Variants in KIF21B observed in about 807,000 individuals in gnomAD.
KIF21B encodes the protein kinesin-like protein KIF21B.
A neutral mutation model predicts 192.9 loss-of-function variants in KIF21B; 85 were observed. That is an observed-to-expected ratio of 0.44 (90% CI 0.37 to 0.53). The LOEUF (loss-of-function observed/expected upper bound fraction) is 0.53, where lower values mean the gene tolerates loss of function less well. KIF21B is among the 20% of genes least tolerant of loss of function. KIF21B has a pLI of 0.00. For synonymous variants in KIF21B, 832 were observed against 884.6 expected, an observed-to-expected ratio of 0.94 and a Z score of 1.05; for missense variants, 1,716 against 2,194.8, an observed-to-expected ratio of 0.78 and a Z score of 4.36.
chr1:201,022,390 C>T (rs1658891656), intron 1 of KIF21B, among the ~76,000 whole-genome samples: 1 of 152,166 alleles, frequency 6.6e-6, no homozygotes. Context: ...GTGAGCAGCT[C>T]CAGATTGGCA....
intron 1 of KIF21B, among the ~76,000 whole-genome samples, chr1:201,022,693 C>T (rs961059295): frequency 2.0e-5 from 3 of 152,232 alleles, no homozygotes; most frequent in African/African-American, 7.2e-5. Context: ...GATGGGGCAT[C>T]TGCATCACAC....
At chr1:201,003,900 C>G (rs1012953548) in intron 7 of KIF21B, 119 bp from the exon 8 acceptor site, 1 of 1,020,932 alleles carries the variant, frequency 9.8e-7, no homozygotes, top group African/African-American at 1.6e-5. Context: ...GCCCAAAGCA[C>G]GTGGGCATTC....
Position 200,999,218 on chromosome 1 carries a change from T to A in KIF21B, c.1885+131A>T, listed in dbSNP as rs1394878853. The A allele has an allele frequency of 1.0e-5, 11 of 1,060,088 alleles. No individual in the cohort carries two copies. The highest frequency in any genetic ancestry group is 1.6e-5 in the Non-Finnish European group (11 of 690,504). The allele number at this position is 1,060,088 out of a possible 1,614,324, so 65.7% of individuals were successfully genotyped here. ...CCATCATTCTCATCATGACTGCCTG[T>A]TGTCATTGGTTTCACGTCTGGGAGT... is the stretch of plus-strand genomic sequence containing the variant. On this transcript the variant is annotated intron_variant, in intron 13 of 34. Transcript: ENST00000461742. The surrounding 1 kb of genome is among the most constrained non-coding windows in gnomAD (Gnocchi z 4.7).
intron 1 of KIF21B, among the ~76,000 whole-genome samples, chr1:201,010,098 AT>A (rs1479584997): frequency 1.3e-5 from 2 of 152,222 alleles, no homozygotes; most frequent in Non-Finnish European, 2.9e-5. Flanking sequence ...GCCTCTGCCA[AT>A]GCCCATGGGG....
At chr1:201,014,228 G>A (rs1462265093) in intron 1 of KIF21B, among the ~76,000 whole-genome samples, 1 of 152,246 alleles carries the variant, frequency 6.6e-6, no homozygotes, top group Non-Finnish European at 1.5e-5. Flanking sequence ...GGAGAAACGC[G>A]CACGCGGAGG....
chr1:200,996,102 C>T, intron 15 of KIF21B, 94 bp downstream of exon 15: 2 of 1,274,694 alleles, frequency 1.6e-6, no homozygotes, highest in South Asian at 1.3e-5. Context: ...AGAATCCACA[C>T]TTGACAGCAA....
At chr1:201,001,750 A>T (rs1374339184) in intron 9 of KIF21B, 2 of 182,196 alleles carry the variant, frequency 1.1e-5, no homozygotes, top group East Asian at 2.6e-4. Context: ...ATATAATCTC[A>T]TACATAGAAA....
rs1252881047 is a variant in KIF21B, at chr1:200,982,602, A to G, written c.3842+454T>C. On this transcript the variant is annotated intron_variant, in intron 28 of 34. Coordinates refer to ENST00000461742, the MANE Select transcript of KIF21B (RefSeq NM_001252102.2). This position sits in a 1 kb window ranked among gnomAD's most constrained non-coding sequence, Gnocchi z 4.7. Reference sequence around the variant, plus strand: ...CCCCCATGGTGCCCCTCCCAGAGCCAACGTCTGAAAAGCTCACCCCCAGCA... The same window carrying G: ...CCCCCATGGTGCCCCTCCCAGAGCCGACGTCTGAAAAGCTCACCCCCAGCA... 6.6e-6 allele frequency among the ~76,000 whole-genome samples: 1 copy of G among 151,922 alleles called. No individual in the cohort carries two copies. The highest frequency in any genetic ancestry group is 1.5e-5 in the Non-Finnish European group (1 of 67,964).
At position 200,970,891 on chromosome 1, in the gene KIF21B, GAAGT is replaced by G. The variant is rs1655178568; in HGVS notation, c.*2626_*2629del. The G allele has an allele frequency of 6.6e-6, 1 of 152,574 alleles. No individual in the cohort carries two copies. Among genetic ancestry groups the G allele is most frequent in the Admixed American group, 6.5e-5 (1 of 15,290 alleles). The allele number at this position is 152,574 out of a possible 1,614,324, so 9.5% of individuals were successfully genotyped here. ...TCTTAAGATGGGCACAGAAGGGCAA[GAAGT>G]AAGATGACGAGTCCCAGAATTAGGA... On this transcript the variant is annotated 3_prime_UTR_variant, in exon 35 of 35. Transcript: ENST00000461742.
rs1571956293 is a variant in KIF21B, at chr1:201,005,526, A to G, written c.597+19T>C. The G allele has an allele frequency of 6.2e-7, 1 of 1,608,058 alleles. No individual in the cohort carries two copies. On this transcript the variant is annotated intron_variant, in intron 4 of 34. Transcript: ENST00000461742. ...TCAGGATGCCCTGGACCTGCTCCAG[A>G]CCTCCAGCAGAGGCTCACCTCCTCC...
chr1:200,995,379 CA>C (rs924974532), intron 15 of KIF21B, among the ~76,000 whole-genome samples: 22 of 152,264 alleles, frequency 1.4e-4, no homozygotes, highest in African/African-American at 5.1e-4. Context: ...TCAGAGCAGG[CA>C]GGAATGTAGG....
intron 24 of KIF21B, 92 bp from the exon 25 acceptor site, chr1:200,987,293 A>T: frequency 8.8e-7 from 1 of 1,142,418 alleles, no homozygotes; most frequent in Non-Finnish European, 1.2e-6. Context: ...TTTTTTTGAG[A>T]CAGTGGTGCA....
chr1:200,988,953 T>C (rs1231908352), intron 21 of KIF21B, 22 bp from the exon 22 acceptor site: 2 of 1,595,866 alleles, frequency 1.3e-6, no homozygotes, highest in Non-Finnish European at 1.7e-6. Flanking sequence ...GAACAAAGCC[T>C]GGAGTTACCC....
At position 200,990,381 on chromosome 1, in the gene KIF21B, G is replaced by T; in HGVS notation, c.2836-49C>A. Reference sequence around the variant, plus strand: ...GATTGTGATGAAGGAGAGGCCTCAGGTAGCTGCCAAGCCCTGCCCATAGCT... The same window carrying T: ...GATTGTGATGAAGGAGAGGCCTCAGTTAGCTGCCAAGCCCTGCCCATAGCT... On this transcript the variant is annotated intron_variant, in intron 19 of 34. Transcript: ENST00000461742. The surrounding 1 kb of genome is among the most constrained non-coding windows in gnomAD (Gnocchi z 5.4). The T allele has an allele frequency of 6.5e-7, 1 of 1,544,482 alleles. No homozygotes were observed. Among genetic ancestry groups the T allele is most frequent in the Non-Finnish European group, 8.8e-7 (1 of 1,142,768 alleles).
rs111346114 is a variant in KIF21B at position 200,992,574 on chromosome 1, G to A, written c.2278-185C>T. Among the ~76,000 whole-genome samples, 497 of 152,338 alleles carry A rather than the reference G, an allele frequency of 3.3e-3. 1 individual carries two copies. Among genetic ancestry groups the A allele is most frequent in the African/African-American group, 0.011 (446 of 41,582 alleles). On this transcript the variant is annotated intron_variant, in intron 15 of 34. Transcript: ENST00000461742. ...CCACTCCTCCATAGGAGCTTAAGCC[G>A]CCTGGGCAAGCTGCCAAAAGGAGTG...
At chr1:200,973,939 G>T in intron 34 of KIF21B, 1 of 1,526,470 alleles carries the variant, frequency 6.6e-7, no homozygotes, top group South Asian at 1.3e-5. Flanking sequence ...GACAGGCAGG[G>T]CACCTCTCTA....
At chr1:200,992,481 C>A (rs1656767806) in intron 15 of KIF21B, 92 bp from the exon 16 acceptor site, 3 of 1,322,616 alleles carry the variant, frequency 2.3e-6, no homozygotes, top group African/African-American at 1.4e-5. Flanking sequence ...GGGCATGGGG[C>A]AGGGATAGTG....
At chr1:201,020,039 C>G (rs984165027) in intron 1 of KIF21B, among the ~76,000 whole-genome samples, 2 of 152,078 alleles carry the variant, frequency 1.3e-5, no homozygotes, top group Non-Finnish European at 2.9e-5. Flanking sequence ...TGGATCCCCC[C>G]CAAACCCCTA....
intron 15 of KIF21B, among the ~76,000 whole-genome samples, chr1:200,994,323 T>A (rs1461755879): frequency 6.6e-6 from 1 of 152,198 alleles, no homozygotes; most frequent in Non-Finnish European, 1.5e-5. Context: ...ATTCTGTGAA[T>A]CGCTGGGGCC....
Sources: allele counts gnomAD v4.1 joint callset (sites outside exome capture counted in the v4.1 genomes callset), GRCh38; gene constraint gnomAD v4.1.1; non-coding constraint Gnocchi (gnomAD v3.1); transcripts MANE v1.5; gene names NCBI Gene and HGNC (gene_info 2026-07-23, HGNC 2026-07-21).